The following NRG1 variants were observed in gnomAD, a reference collection of about 807,000 sequenced individuals.
NRG1 encodes pro-neuregulin-1, membrane-bound isoform.
NRG1 carries 18 observed loss-of-function variants against 63.8 expected under a neutral mutation model. The observed-to-expected ratio is 0.28, with a 90% CI of 0.19 to 0.42. The LOEUF (loss-of-function observed/expected upper bound fraction) is 0.42. NRG1 is among the 10% of genes least tolerant of loss of function. The probability of loss-of-function intolerance (pLI) is 1.00; values close to 1 mark genes in which losing one functional copy is unlikely to be tolerated. For missense variants in NRG1, 762 were observed against 814.7 expected, an observed-to-expected ratio of 0.94 and a Z score of 0.79; for synonymous variants, 302 against 301.3, an observed-to-expected ratio of 1.00 and a Z score of -0.02.
chr8:31,820,950 A>C (rs1823947259), intron 1 of NRG1, among the ~76,000 whole-genome samples: 1 of 152,212 alleles, frequency 6.6e-6, no homozygotes, highest in South Asian at 2.1e-4. Context: ...AATTGGTTCC[A>C]GGATGTCCCA....
intron 1 of NRG1, among the ~76,000 whole-genome samples, chr8:32,426,668 G>A (rs1817415644): frequency 1.3e-5 from 2 of 152,068 alleles, no homozygotes; most frequent in African/African-American, 4.8e-5. Flanking sequence ...CACACACAAT[G>A]CCTTCCTTCT....
intron 1 of NRG1, among the ~76,000 whole-genome samples, chr8:31,884,524 C>A (rs1297700833): frequency 6.6e-6 from 1 of 152,072 alleles, no homozygotes; most frequent in African/African-American, 2.4e-5. Context: ...ACTGCCTTTT[C>A]TCCCACCTCC....
At chr8:32,118,083 T>C (rs746707680) in intron 1 of NRG1, among the ~76,000 whole-genome samples, 1 of 152,118 alleles carries the variant, frequency 6.6e-6, no homozygotes, top group Non-Finnish European at 1.5e-5. Flanking sequence ...CTTGAGAAAT[T>C]GACTCTAGAA....
chr8:31,772,533 A>T (rs1346662046), intron 1 of NRG1, among the ~76,000 whole-genome samples: 1 of 151,924 alleles, frequency 6.6e-6, no homozygotes, highest in Admixed American at 6.6e-5. Flanking sequence ...CTTTTTTTTT[A>T]AATAATAAAA....
chr8:32,349,583 A>C (rs1805335672), intron 1 of NRG1, among the ~76,000 whole-genome samples: 1 of 152,208 alleles, frequency 6.6e-6, no homozygotes, highest in African/African-American at 2.4e-5. Flanking sequence ...GAGTAGGACA[A>C]GGTATTCAAA....
At chr8:32,342,965 G>A (rs1042844897) in intron 1 of NRG1, among the ~76,000 whole-genome samples, 1 of 152,192 alleles carries the variant, frequency 6.6e-6, no homozygotes, top group East Asian at 1.9e-4. Context: ...AGATCTTTAA[G>A]AAGAAGAAAA....
chr8:32,106,266 C>A (rs1831245872), intron 1 of NRG1, among the ~76,000 whole-genome samples: 1 of 152,124 alleles, frequency 6.6e-6, no homozygotes, highest in Non-Finnish European at 1.5e-5. Context: ...TCATGCTGGT[C>A]AAAATTTTCT....
intron 5 of NRG1, among the ~76,000 whole-genome samples, chr8:32,658,127 A>C (rs895896872): frequency 6.6e-6 from 1 of 152,194 alleles, no homozygotes; most frequent in Admixed American, 6.5e-5. Flanking sequence ...GATCTGAACT[A>C]TGGAACCTGT....
intron 5 of NRG1, chr8:32,648,138 A>G (rs1854078409): frequency 1.2e-6 from 2 of 1,613,966 alleles, no homozygotes; most frequent in Admixed American, 3.3e-5. Context: ...TGAGGCATAC[A>G]CTTCACCTGT....
intron 1 of NRG1, among the ~76,000 whole-genome samples, chr8:32,470,636 G>A (rs1456714985): frequency 1.3e-5 from 2 of 152,132 alleles, no homozygotes; most frequent in African/African-American, 2.4e-5. Flanking sequence ...GAGTGTGAGT[G>A]GGGGAGAGAG....
chr8:31,816,906 T>C (rs1823501179), intron 1 of NRG1, among the ~76,000 whole-genome samples: 1 of 152,210 alleles, frequency 6.6e-6, no homozygotes, highest in African/African-American at 2.4e-5. Flanking sequence ...TTGATTTAGA[T>C]GTTATGAAAA....
intron 1 of NRG1, among the ~76,000 whole-genome samples, chr8:32,082,332 G>A (rs1306241873): frequency 6.6e-6 from 1 of 151,842 alleles, no homozygotes; most frequent in African/African-American, 2.4e-5. Flanking sequence ...TTACCCAATA[G>A]GTATTTTTTC....
intron 1 of NRG1, among the ~76,000 whole-genome samples, chr8:31,904,587 C>T (rs1198436142): frequency 3.9e-5 from 6 of 152,140 alleles, no homozygotes; most frequent in South Asian, 2.1e-4. Flanking sequence ...ATATGTTCAT[C>T]GCAGCAGTGT....
intron 1 of NRG1, among the ~76,000 whole-genome samples, chr8:32,465,069 G>T (rs1822888080): frequency 6.6e-6 from 1 of 152,182 alleles, no homozygotes; most frequent in African/African-American, 2.4e-5. Context: ...CAGCTACCCA[G>T]GAGGCTGAAG....
chr8:32,294,614 A>G (rs1854619244), intron 1 of NRG1, among the ~76,000 whole-genome samples: 1 of 152,194 alleles, frequency 6.6e-6, no homozygotes, highest in Admixed American at 6.5e-5. Flanking sequence ...TTATCCACTC[A>G]TAATTAGTTG....
intron 1 of NRG1, among the ~76,000 whole-genome samples, chr8:32,269,844 A>G (rs1237912557): frequency 6.6e-6 from 1 of 152,130 alleles, no homozygotes; most frequent in Non-Finnish European, 1.5e-5. Flanking sequence ...TCTTTCTCCT[A>G]ATGAAGTTTT....
At chr8:32,459,926 G>A (rs954365788) in intron 1 of NRG1, among the ~76,000 whole-genome samples, 1 of 152,154 alleles carries the variant, frequency 6.6e-6, no homozygotes, top group Non-Finnish European at 1.5e-5. Context: ...TCTCATAGAG[G>A]CCTTCTCTCA....
In NRG1 at chr8:32,655,143, A is replaced by AT. The variant is rs199900426; in HGVS notation, c.502+38262dup. On this transcript the variant is annotated intron_variant, in intron 5 of 11. Coordinates refer to ENST00000356819, the Ensembl canonical transcript of NRG1. ...CAGCACCAATTTTGTCCCTCATTCTATTTTAACTCCCTGCCTCACTTTGTT... is the reference window on the plus strand; with the variant it reads ...CAGCACCAATTTTGTCCCTCATTCTATTTTTAACTCCCTGCCTCACTTTGTT... Among the ~76,000 whole-genome samples the AT allele has an allele frequency of 4.7e-3, 720 of 152,264 alleles. 7 individuals carry two copies. Among genetic ancestry groups the AT allele is most frequent in the African/African-American group, 0.016 (678 of 41,556 alleles).
intron 1 of NRG1, among the ~76,000 whole-genome samples, chr8:31,665,428 G>A (rs1200499286): frequency 6.6e-6 from 1 of 152,124 alleles, no homozygotes; most frequent in Non-Finnish European, 1.5e-5. Flanking sequence ...CAGGTCATTT[G>A]GGAAAAAATG....
Sources: gnomAD v4.1 joint callset for allele counts (sites outside exome capture counted in the v4.1 genomes callset) on GRCh38, gnomAD v4.1.1 for gene constraint, MANE v1.5 for transcripts, NCBI Gene and HGNC (gene_info 2026-07-23, HGNC 2026-07-21) for gene names.